ME3: variants seen among roughly 807,000 people sequenced by gnomAD.
ME3 encodes the protein malic enzyme 3.
In ME3, 48 loss-of-function variants were observed where a neutral mutation model predicts 68.9. The ratio of observed to expected loss-of-function variants is 0.70; its 90% CI spans 0.55 to 0.89. The LOEUF is 0.89. Among genes scored for constraint, ME3 ranks in the 40% least tolerant of loss-of-function variants. The pLI, the probability that ME3 is intolerant of heterozygous loss-of-function variation, is 0.00. For missense variants in ME3, 675 were observed against 797.4 expected (o/e 0.85, Z 1.85); for synonymous variants, 320 against 318.8 (o/e 1.00, Z -0.04).
At chr11:86,605,069 C>G (rs1192266356) in intron 2 of ME3, among the ~76,000 whole-genome samples, 1 of 152,152 alleles carries the variant, frequency 6.6e-6, no homozygotes, top group Non-Finnish European at 1.5e-5. Context: ...TTTCACTATT[C>G]TGGATATTTC....
intron 2 of ME3, among the ~76,000 whole-genome samples, chr11:86,659,698 C>G (rs1384846529): frequency 2.0e-5 from 3 of 152,210 alleles, no homozygotes; most frequent in Non-Finnish European, 4.4e-5. Context: ...CAGCCATACC[C>G]TATTTAGCTG....
intron 5 of ME3, among the ~76,000 whole-genome samples, chr11:86,507,721 G>A (rs1030233036): frequency 5.3e-5 from 8 of 152,102 alleles, no homozygotes; most frequent in African/African-American, 1.7e-4. Flanking sequence ...GGTGGCTCAC[G>A]CCTGTAATCC....
At chr11:86,493,120 A>G (rs1952099636) in intron 6 of ME3, among the ~76,000 whole-genome samples, 1 of 152,184 alleles carries the variant, frequency 6.6e-6, no homozygotes, top group Non-Finnish European at 1.5e-5. Flanking sequence ...ATGCTGAATA[A>G]TGATAATCTT....
Position 86,659,639 on chromosome 11 carries a change from A to G in ME3, c.183+12123T>C, listed in dbSNP as rs191711794. ...ACCCGTGGCAGTGTGGATGGAGACT[A>G]TCTTAAAACTTCCTGCCCCGTCTAA... On this transcript the variant is annotated intron_variant, in intron 2 of 14. Transcript: ENST00000543262. Among the ~76,000 whole-genome samples, 15 of 152,284 alleles carry G rather than the reference A, an allele frequency of 9.9e-5. 1 individual carries two copies. The highest frequency in any genetic ancestry group is 3.4e-3 in the Middle Eastern group (1 of 294).
chr11:86,469,391 C>T (rs754426019), intron 7 of ME3, among the ~76,000 whole-genome samples: 29 of 152,142 alleles, frequency 1.9e-4, no homozygotes, highest in Non-Finnish European at 3.8e-4. Context: ...TTTGTGCTTA[C>T]ACAAACTGGA....
chr11:86,502,274 A>G (rs1952776422), intron 5 of ME3, among the ~76,000 whole-genome samples: 1 of 152,198 alleles, frequency 6.6e-6, no homozygotes, highest in South Asian at 2.1e-4. Flanking sequence ...GAATTTTATC[A>G]CTTCCTTCTC....
chr11:86,457,718 C>T, intron 8 of ME3: 1 of 1,287,810 alleles, frequency 7.8e-7, no homozygotes, highest in Non-Finnish European at 1.0e-6. Context: ...ATGACTTGTG[C>T]CCATAAATGC....
At chr11:86,504,971 G>A (rs889960677) in intron 5 of ME3, among the ~76,000 whole-genome samples, 4 of 152,160 alleles carry the variant, frequency 2.6e-5, no homozygotes, top group East Asian at 1.9e-4. Flanking sequence ...GATTACAGGC[G>A]TGAGCCACCA....
At chr11:86,596,797 A>G (rs1482698295) in intron 2 of ME3, among the ~76,000 whole-genome samples, 1 of 152,220 alleles carries the variant, frequency 6.6e-6, no homozygotes, top group Non-Finnish European at 1.5e-5. Context: ...AACTCATTAT[A>G]TCACTTGGCT....
intron 2 of ME3, among the ~76,000 whole-genome samples, chr11:86,618,299 C>CAAAAAAAAAAAAAAAAAAAAAAAA (rs55824426): frequency 1.8e-5 from 1 of 55,934 alleles, no homozygotes; most frequent in Non-Finnish European, 3.1e-5. Context: ...GGCTCTGTCT[C>CAAAAAAAAAAAAAAAAAAAAAAAA]AAAAAAAAAA....
At chr11:86,561,318 C>G (rs1201970427) in intron 2 of ME3, among the ~76,000 whole-genome samples, 2 of 152,118 alleles carry the variant, frequency 1.3e-5, no homozygotes, top group African/African-American at 4.8e-5. Context: ...GCCATTTCTC[C>G]AAGGATCCCC....
At chr11:86,534,227 T>A (rs1594337949) in intron 4 of ME3, among the ~76,000 whole-genome samples, 1 of 152,106 alleles carries the variant, frequency 6.6e-6, no homozygotes, top group African/African-American at 2.4e-5. Flanking sequence ...CATTACTGTA[T>A]ACTAATGTAG....
intron 8 of ME3, among the ~76,000 whole-genome samples, chr11:86,450,918 G>GT (rs2138630294): frequency 6.6e-6 from 1 of 152,340 alleles, no homozygotes; most frequent in South Asian, 2.1e-4. Context: ...AGTTGTATAA[G>GT]TAGGTGGCTC....
At chr11:86,557,220 C>T (rs1005179951) in intron 3 of ME3, among the ~76,000 whole-genome samples, 1 of 152,168 alleles carries the variant, frequency 6.6e-6, no homozygotes, top group Non-Finnish European at 1.5e-5. Context: ...GCCTCTCCTA[C>T]CACACTGGAC....
At chr11:86,540,047 C>T (rs1955940091) in intron 4 of ME3, among the ~76,000 whole-genome samples, 1 of 152,180 alleles carries the variant, frequency 6.6e-6, no homozygotes, top group African/African-American at 2.4e-5. Context: ...ATGGCAGATG[C>T]ACCTGAATGT....
At chr11:86,524,410 A>T (rs562073855) in intron 4 of ME3, among the ~76,000 whole-genome samples, 1 of 152,226 alleles carries the variant, frequency 6.6e-6, no homozygotes, top group Non-Finnish European at 1.5e-5. Flanking sequence ...GTAGTCACAC[A>T]TTTTTTTCCA....
intron 13 of ME3, among the ~76,000 whole-genome samples, chr11:86,444,634 G>A (rs1300679151): frequency 1.3e-5 from 2 of 152,164 alleles, no homozygotes; most frequent in Non-Finnish European, 2.9e-5. Flanking sequence ...GAGTCAAGTT[G>A]TCTGGAGCCA....
intron 7 of ME3, among the ~76,000 whole-genome samples, chr11:86,474,066 C>T (rs752763141): frequency 6.6e-5 from 10 of 152,122 alleles, no homozygotes; most frequent in South Asian, 2.1e-4. Flanking sequence ...CCACTTGGCA[C>T]GGAAGTCGTG....
rs377472854 is a variant in ME3, at chr11:86,441,285, C to T, written c.1809G>A (p.Thr603=). ...ACTAGCCTCTGAGACTGCCTCAGAC[C>T]GTCTGAACATTCATGGCTTCCTTGG... Residue 603 remains threonine (T), a synonymous_variant, in exon 15 of 15, where the codon ACG becomes ACA. Coordinates refer to ENST00000543262, the Ensembl canonical transcript of ME3. 50 of 1,598,212 alleles carry T rather than the reference C, an allele frequency of 3.1e-5. No homozygotes were observed. Among genetic ancestry groups the T allele is most frequent in the Admixed American group, 2.4e-4 (14 of 57,864 alleles).
Sources: allele counts gnomAD v4.1 joint callset (sites outside exome capture counted in the v4.1 genomes callset), GRCh38; gene constraint gnomAD v4.1.1; transcripts MANE v1.5; gene names NCBI Gene and HGNC (gene_info 2026-07-23, HGNC 2026-07-21).